Variants in SNX29 observed in about 807,000 individuals in gnomAD.
SNX29 encodes the protein sorting nexin 29, also known as sorting nexin-29.
Under a neutral mutation model 102.1 loss-of-function variants are expected in SNX29, and 78 were observed. The ratio of observed to expected loss-of-function variants is 0.76; its 90% CI spans 0.64 to 0.92. SNX29 has a LOEUF of 0.92. Ranked by LOEUF, SNX29 falls within the 40% of genes least tolerant of loss-of-function variation. SNX29 has a pLI of 0.00. For missense variants in SNX29, 1,280 were observed against 1,061.7 expected, an observed-to-expected ratio of 1.21 and a Z score of -2.86; for synonymous variants, 580 against 414.5, an observed-to-expected ratio of 1.40 and a Z score of -4.85.
chr16:12,529,313 G>A (rs946686000), intron 20 of SNX29, among the ~76,000 whole-genome samples: 1 of 152,204 alleles, frequency 6.6e-6, no homozygotes, highest in Non-Finnish European at 1.5e-5. Flanking sequence ...GCCCCGTGCT[G>A]TGTTCGTCGT....
chr16:12,239,239 G>A (rs750016223), intron 14 of SNX29, among the ~76,000 whole-genome samples: 3 of 152,126 alleles, frequency 2.0e-5, no homozygotes, highest in Non-Finnish European at 4.4e-5. Flanking sequence ...TGTTCATTGC[G>A]TTCATTGTTT....
intron 20 of SNX29, among the ~76,000 whole-genome samples, chr16:12,532,370 C>G (rs1199231077): frequency 6.6e-6 from 1 of 152,182 alleles, no homozygotes; most frequent in Non-Finnish European, 1.5e-5. Flanking sequence ...TTCAGCAGCT[C>G]CCAGCAGCGT....
intron 20 of SNX29, among the ~76,000 whole-genome samples, chr16:12,534,816 C>G (rs1017916927): frequency 3.9e-5 from 6 of 152,270 alleles, no homozygotes; most frequent in African/African-American, 1.2e-4. Flanking sequence ...CTCCCCAGTT[C>G]CAGGCACAGC....
chr16:12,341,034 T>G (rs1462882422), intron 15 of SNX29, among the ~76,000 whole-genome samples: 1 of 152,168 alleles, frequency 6.6e-6, no homozygotes, highest in Non-Finnish European at 1.5e-5. Flanking sequence ...TGAAGAGACG[T>G]GATGATTACA....
chr16:12,120,304 A>T (rs1380073005), intron 11 of SNX29, among the ~76,000 whole-genome samples: 1 of 152,216 alleles, frequency 6.6e-6, no homozygotes, highest in Non-Finnish European at 1.5e-5. Flanking sequence ...AAGATAGCTG[A>T]GTATGGGCCG....
chr16:12,382,801 T>A (rs2083218411), intron 16 of SNX29, among the ~76,000 whole-genome samples: 1 of 152,080 alleles, frequency 6.6e-6, no homozygotes, highest in Non-Finnish European at 1.5e-5. Context: ...TATGGCCGTG[T>A]CACACCAATC....
chr16:12,517,451 G>A (rs1293210991), intron 19 of SNX29, among the ~76,000 whole-genome samples: 2 of 152,236 alleles, frequency 1.3e-5, no homozygotes, highest in African/African-American at 4.8e-5. Context: ...GAATCAGGGA[G>A]CTGGCTTCCA....
At chr16:12,487,574 G>A (rs1310832318) in intron 19 of SNX29, among the ~76,000 whole-genome samples, 3 of 152,192 alleles carry the variant, frequency 2.0e-5, no homozygotes, top group Admixed American at 2.0e-4. Flanking sequence ...CCTCCGTGGA[G>A]AAGCCAGCCG....
chr16:12,048,741 T>G, intron 7 of SNX29, 121 bp downstream of exon 7: 2 of 1,525,820 alleles, frequency 1.3e-6, no homozygotes, highest in Non-Finnish European at 1.8e-6. Flanking sequence ...ACTTGCGTTT[T>G]CCATTTGTGT....
chr16:12,444,832 G>GT (rs1373696513), intron 18 of SNX29, among the ~76,000 whole-genome samples: 270 of 75,216 alleles, frequency 3.6e-3, no homozygotes, highest in South Asian at 6.4e-3. Flanking sequence ...CCTCGACAGT[G>GT]TTTTTTTTTG....
intron 1 of SNX29, among the ~76,000 whole-genome samples, chr16:11,990,372 C>T (rs990601374): frequency 2.0e-5 from 3 of 152,158 alleles, no homozygotes; most frequent in African/African-American, 7.2e-5. Flanking sequence ...AGAGGGGCAC[C>T]TGCTCTGTTC....
At position 12,087,886 on chromosome 16, in the gene SNX29, C is replaced by T. The variant is rs201862199; in HGVS notation, c.1402+8971C>T. 8.3e-4 allele frequency: 378 copies of T among 456,850 alleles called. 2 individuals are homozygous for T. Among genetic ancestry groups the T allele is most frequent in the Middle Eastern group, 2.6e-3 (8 of 3,076 alleles). The allele number at this position is 456,850 out of a possible 1,614,324, so 28.3% of individuals were successfully genotyped here. On this transcript the variant is annotated intron_variant, in intron 11 of 20. Transcript: ENST00000566228. Reference sequence around the variant, plus strand: ...AGTGTTTTGTGTTCGATAGGCTAAGCTGGCAACCTGATTCCTGCTGGTGGA... The same window carrying T: ...AGTGTTTTGTGTTCGATAGGCTAAGTTGGCAACCTGATTCCTGCTGGTGGA...
At chr16:12,497,694 A>C (rs1456895185) in intron 19 of SNX29, among the ~76,000 whole-genome samples, 1 of 152,046 alleles carries the variant, frequency 6.6e-6, no homozygotes, top group Non-Finnish European at 1.5e-5. Context: ...GCTTTTTCTC[A>C]ATTGGCTTCC....
At chr16:12,062,824 A>C (rs1292980061) in intron 9 of SNX29, among the ~76,000 whole-genome samples, 2 of 152,172 alleles carry the variant, frequency 1.3e-5, no homozygotes, top group Non-Finnish European at 2.9e-5. Context: ...AAACTAGCTG[A>C]AGCACAGAGG....
intron 20 of SNX29, among the ~76,000 whole-genome samples, chr16:12,548,212 G>C (rs150373937): frequency 5.9e-5 from 9 of 152,142 alleles, no homozygotes; most frequent in African/African-American, 2.2e-4. Context: ...ACAAGGCCAC[G>C]CTGGATCCTG....
At chr16:12,499,794 A>G (rs992626848) in intron 19 of SNX29, among the ~76,000 whole-genome samples, 1 of 151,964 alleles carries the variant, frequency 6.6e-6, no homozygotes. Context: ...TCCCAACTCA[A>G]CCTCCTGAGT....
chr16:12,089,642 G>C (rs2052403897), intron 11 of SNX29: 1 of 188,418 alleles, frequency 5.3e-6, no homozygotes, highest in Non-Finnish European at 1.2e-5. Flanking sequence ...CGCTGGCATT[G>C]CGCTGCCAGA....
chr16:12,314,026 C>G (rs147913079), intron 15 of SNX29, among the ~76,000 whole-genome samples: 2 of 152,378 alleles, frequency 1.3e-5, no homozygotes, highest in East Asian at 3.9e-4. Flanking sequence ...CACTCTCTTG[C>G]TCAGCCTGGA....
chr16:12,156,756 C>A (rs2055568760), intron 13 of SNX29, among the ~76,000 whole-genome samples: 1 of 152,246 alleles, frequency 6.6e-6, no homozygotes, highest in Non-Finnish European at 1.5e-5. Flanking sequence ...TGAATTGATT[C>A]TCAGGGCTGT....
Sources: allele counts gnomAD v4.1 joint callset (sites outside exome capture counted in the v4.1 genomes callset), GRCh38; gene constraint gnomAD v4.1.1; transcripts MANE v1.5; gene names NCBI Gene and HGNC (gene_info 2026-07-23, HGNC 2026-07-21).